Variants in TGM2 observed in about 807,000 individuals in gnomAD.
The protein encoded by TGM2 is transglutaminase 2.
In TGM2, 53 loss-of-function variants were observed where a neutral mutation model predicts 75.6. The observed-to-expected ratio is 0.70, with a 90% CI of 0.56 to 0.88. The LOEUF is 0.88. Ranked by LOEUF, TGM2 falls within the 40% of genes least tolerant of loss-of-function variation. TGM2 has a pLI of 0.00. For synonymous variants in TGM2, 374 were observed against 381.1 expected (o/e 0.98, Z 0.22); for missense variants, 842 against 928.5 (o/e 0.91, Z 1.21).
intron 6 of TGM2, chr20:38,146,488 CT>C: frequency 1.5e-6 from 1 of 652,526 alleles, no homozygotes; most frequent in Non-Finnish European, 2.8e-6. Flanking sequence ...GTTCTCAGCC[CT>C]GAGCCCATGC....
chr20:38,148,087 A>T lies in TGM2; in HGVS notation c.555T>A (p.Phe185Leu). 3.1e-6 allele frequency: 5 copies of T among 1,614,124 alleles called. No homozygotes were observed. The highest frequency in any genetic ancestry group is 4.2e-6 in the Non-Finnish European group (5 of 1,180,010). ...IKNIPWNFGQ[F>L]EDGILDICLI... ...GGCAGATGTCTAGGATCCCATCTTC[A>T]AACTGTGTCAGAGGAAACAAGAGGA... is the stretch of plus-strand genomic sequence containing the variant. Residue 185 changes from phenylalanine (F) to leucine (L), a missense_variant and splice_region_variant, in exon 5 of 13, where the codon TTT becomes TTA. Coordinates refer to ENST00000361475, the MANE Select transcript of TGM2 (RefSeq NM_004613.4).
At chr20:38,156,395 T>C (rs2075187980) in intron 2 of TGM2, among the ~76,000 whole-genome samples, 1 of 152,284 alleles carries the variant, frequency 6.6e-6, no homozygotes, top group Non-Finnish European at 1.5e-5. Flanking sequence ...TCAGTTCCAC[T>C]GCTCTGCAAT....
chr20:38,148,143 A>AAGGCACCTCCTCCT, intron 4 of TGM2, 54 bp from the exon 5 acceptor site: 1 of 1,611,880 alleles, frequency 6.2e-7, no homozygotes, highest in South Asian at 1.1e-5. Flanking sequence ...CACCTCCTCC[A>AAGGCACCTCCTCCT]GGAAGCCTGC....
At chr20:38,167,398 G>A (rs903850423), upstream of TGM2, among the ~76,000 whole-genome samples, 6 of 152,170 alleles carry the variant, frequency 3.9e-5, no homozygotes, top group African/African-American at 2.4e-5. Flanking sequence ...GTGTAGTGGT[G>A]TGATCTTTGC....
intron 3 of TGM2, among the ~76,000 whole-genome samples, chr20:38,153,166 T>C (rs2075134793): frequency 6.6e-6 from 1 of 152,068 alleles, no homozygotes; most frequent in Non-Finnish European, 1.5e-5. Context: ...CAACCTCATG[T>C]CCATCAGTGG....
At chr20:38,137,573 CA>C (rs2074914951) in intron 10 of TGM2, among the ~76,000 whole-genome samples, 1 of 152,230 alleles carries the variant, frequency 6.6e-6, no homozygotes, top group African/African-American at 2.4e-5. Context: ...ATAGGCGGTG[CA>C]GACTCAGCAC....
intron 11 of TGM2, among the ~76,000 whole-genome samples, 154 bp downstream of exon 11, chr20:38,132,186 C>CT (rs1483418789): frequency 1.3e-5 from 2 of 152,142 alleles, no homozygotes; most frequent in Non-Finnish European, 2.9e-5. Context: ...CTTCATGATG[C>CT]TTTTCTTCGA....
In TGM2 at chr20:38,130,002, G is replaced by A. The variant is rs906760069; in HGVS notation, c.*217C>T. On this transcript the variant is annotated 3_prime_UTR_variant, in exon 13 of 13. Coordinates refer to ENST00000361475, the MANE Select transcript of TGM2 (RefSeq NM_004613.4). ...AAGGTCAGGGCTCCCACTGTTTCTGGCACAGAGCATTCCTCACAGCAAAGG... is the reference window on the plus strand; with the variant it reads ...AAGGTCAGGGCTCCCACTGTTTCTGACACAGAGCATTCCTCACAGCAAAGG... The A allele has an allele frequency of 3.3e-5, 21 of 627,938 alleles. No individual in the cohort carries two copies. The East Asian group carries it at 5.6e-4, about 17-fold the overall frequency. 38.9% of individuals were successfully genotyped at this position (627,938 alleles called of 1,614,324 possible). A position where few individuals can be genotyped will look rare whatever the true frequency, so the allele number is the denominator to read the frequency against.
At chr20:38,148,143 A>C in intron 4 of TGM2, 54 bp from the exon 5 acceptor site, 1 of 1,611,880 alleles carries the variant, frequency 6.2e-7, no homozygotes. Flanking sequence ...CACCTCCTCC[A>C]GGAAGCCTGC....
At chr20:38,145,775 T>C (rs1362031457) in intron 6 of TGM2, 3 of 145,566 alleles carry the variant, frequency 2.1e-5, no homozygotes, top group African/African-American at 5.2e-5. Flanking sequence ...TTTTTTTTTT[T>C]TTTTTTTTTT....
intron 9 of TGM2, among the ~76,000 whole-genome samples, chr20:38,139,084 T>G (rs2074936541): frequency 6.6e-6 from 1 of 152,210 alleles, no homozygotes; most frequent in African/African-American, 2.4e-5. Flanking sequence ...ATGCTTAGTA[T>G]TTGCTTAGAA....
intron 6 of TGM2, among the ~76,000 whole-genome samples, chr20:38,145,122 C>T (rs977697837): frequency 1.3e-5 from 2 of 152,152 alleles, no homozygotes; most frequent in African/African-American, 4.8e-5. Context: ...TCACGGGGAA[C>T]AGGCAGTCCC....
At chr20:38,154,281 G>A (rs569537091) in intron 3 of TGM2, among the ~76,000 whole-genome samples, 1 of 152,286 alleles carries the variant, frequency 6.6e-6, no homozygotes, top group South Asian at 2.1e-4. Context: ...TAAAGCAGTG[G>A]GCCAGCAAGA....
chr20:38,137,754 C>T (rs541471836), intron 10 of TGM2, among the ~76,000 whole-genome samples: 70 of 152,256 alleles, frequency 4.6e-4, no homozygotes, highest in African/African-American at 1.7e-3. Flanking sequence ...TGGGAGAGGG[C>T]AGCAGAGGGT....
intron 6 of TGM2, chr20:38,145,999 C>T (rs1346573585): frequency 6.6e-6 from 1 of 152,298 alleles, no homozygotes; most frequent in Admixed American, 6.5e-5. Flanking sequence ...GTCTCAAACT[C>T]CCGGCCTCAA....
chr20:38,130,189 G>A lies in TGM2; in HGVS notation c.*30C>T, dbSNP rs748695954. ...GGATAAGGATTGGGATCAAGGTGGGGGCTCTCAGCAGGCTGGGAGCAGGGG... is the reference window on the plus strand; with the variant it reads ...GGATAAGGATTGGGATCAAGGTGGGAGCTCTCAGCAGGCTGGGAGCAGGGG... On this transcript the variant is annotated 3_prime_UTR_variant, in exon 13 of 13. Transcript: ENST00000361475. The A allele has an allele frequency of 6.2e-7, 1 of 1,612,368 alleles. No individual in the cohort carries two copies. The highest frequency in any genetic ancestry group is 1.1e-5 in the South Asian group (1 of 90,378).
At chr20:38,139,712 T>C in intron 8 of TGM2, 58 bp from the exon 9 acceptor site, 1 of 1,605,390 alleles carries the variant, frequency 6.2e-7, no homozygotes, top group Non-Finnish European at 8.5e-7. Context: ...TGGTGTCCTC[T>C]AAAACGCTCC....
rs773459073 is a variant in TGM2 at position 38,148,023 on chromosome 20, C to T, written c.619G>A (p.Ala207Thr). The T allele has an allele frequency of 2.5e-6, 4 of 1,613,238 alleles. No individual in the cohort carries two copies. The highest frequency in any genetic ancestry group is 1.3e-5 in the African/African-American group (1 of 75,040). The change falls in exon 5 of 13, where the codon GCC (alanine) becomes ACC (threonine). Residue 207 changes from alanine (A) to threonine (T), a missense_variant. Ala to Thr is a moderately conservative substitution (Grantham distance 58). Transcript: ENST00000361475. The part of the protein sequence containing the change: ...LDVNPKFLKN[A>T]GRDCSRRSSP... Reference sequence around the variant, plus strand: ...CTGCGGCGGGAGCAGTCACGGCCGGCGTTCTTCAGGAACTTGGGGTTGACA... The same window carrying T: ...CTGCGGCGGGAGCAGTCACGGCCGGTGTTCTTCAGGAACTTGGGGTTGACA...
At chr20:38,158,304 C>A (rs1056375161) in intron 2 of TGM2, among the ~76,000 whole-genome samples, 1 of 152,234 alleles carries the variant, frequency 6.6e-6, no homozygotes, top group African/African-American at 2.4e-5. Context: ...GGCTGTCCCA[C>A]GGTCCACCCG....
Sources: allele counts gnomAD v4.1 joint callset (sites outside exome capture counted in the v4.1 genomes callset), GRCh38; gene constraint gnomAD v4.1.1; transcripts MANE v1.5; gene names NCBI Gene and HGNC (gene_info 2026-07-23, HGNC 2026-07-21).